MVB12B: variants seen among roughly 807,000 people sequenced by gnomAD.
MVB12B encodes the protein ESCRT-I complex subunit MVB12B.
Under a neutral mutation model 41.6 loss-of-function variants are expected in MVB12B, and 16 were observed. The observed-to-expected ratio is 0.38, with a 90% CI of 0.26 to 0.58. The LOEUF (loss-of-function observed/expected upper bound fraction) is 0.58, where lower values mean the gene tolerates loss of function less well. Ranked by LOEUF, MVB12B falls within the 20% of genes least tolerant of loss-of-function variation. The probability of loss-of-function intolerance (pLI) is 0.62; values close to 1 mark genes in which losing one functional copy is unlikely to be tolerated. For missense variants in MVB12B, 274 were observed against 380.2 expected (o/e 0.72, Z 2.32); for synonymous variants, 133 against 139.7 (o/e 0.95, Z 0.34).
intron 9 of MVB12B, among the ~76,000 whole-genome samples, chr9:126,502,727 G>C (rs1833985329): frequency 6.6e-6 from 1 of 152,174 alleles, no homozygotes; most frequent in South Asian, 2.1e-4. Context: ...CAGCATATCA[G>C]GGGTCCCTAG....
At chr9:126,339,452 A>C (rs183700626) in intron 1 of MVB12B, among the ~76,000 whole-genome samples, 76 of 152,310 alleles carry the variant, frequency 5.0e-4, no homozygotes, top group Non-Finnish European at 5.9e-5. Context: ...GTTCATTTAC[A>C]TATGGTGTTG....
In MVB12B at chr9:126,504,481, G is replaced by T. The variant is rs1472905072; in HGVS notation, c.*1218G>T. On this transcript the variant is annotated 3_prime_UTR_variant, in exon 10 of 10. Coordinates refer to ENST00000361171, the MANE Select transcript of MVB12B (RefSeq NM_033446.3). The stretch of plus-strand genomic sequence containing the variant: ...TTGGATGTGGAGGCTTGATGCTGCG[G>T]TTGGGGGCTGCACTACCTGCGTCCG... 1 of 152,600 alleles carries T rather than the reference G, an allele frequency of 6.6e-6. No homozygotes were observed. The highest frequency in any genetic ancestry group is 2.4e-5 in the African/African-American group (1 of 41,472). 9.5% of individuals were successfully genotyped at this position (152,600 alleles called of 1,614,324 possible). A position where few individuals can be genotyped will look rare whatever the true frequency, so the allele number is the denominator to read the frequency against.
chr9:126,443,192 AT>A (rs932139029), intron 7 of MVB12B, among the ~76,000 whole-genome samples: 11 of 152,184 alleles, frequency 7.2e-5, no homozygotes, highest in African/African-American at 2.7e-4. Flanking sequence ...TTTAAGCCCC[AT>A]TTTGACCATT....
chr9:126,398,448 A>G (rs1461347488), intron 6 of MVB12B, among the ~76,000 whole-genome samples: 2 of 152,078 alleles, frequency 1.3e-5, no homozygotes, highest in African/African-American at 2.4e-5. Flanking sequence ...CAGGAATTCC[A>G]TTTCCCACGA....
At chr9:126,364,006 C>G (rs1036974863) in intron 2 of MVB12B, among the ~76,000 whole-genome samples, 4 of 152,204 alleles carry the variant, frequency 2.6e-5, no homozygotes, top group Non-Finnish European at 4.4e-5. Context: ...TTTCGCATAG[C>G]TGTACCCCCA....
intron 1 of MVB12B, among the ~76,000 whole-genome samples, chr9:126,328,821 C>T (rs1829053570): frequency 6.6e-6 from 1 of 152,010 alleles, no homozygotes; most frequent in African/African-American, 2.4e-5. Flanking sequence ...GTCTCACTGT[C>T]ACTCAGGCTG....
rs141369902 is a variant in MVB12B, at chr9:126,468,712, C to T, written c.758-12657C>T. 8.6e-4 allele frequency among the ~76,000 whole-genome samples: 131 copies of T among 152,356 alleles called. 2 individuals are homozygous for T. The East Asian group carries it at 0.015, about 18-fold the overall frequency. On this transcript the variant is annotated intron_variant, in intron 7 of 9. Transcript: ENST00000361171. This position sits in a 1 kb window ranked among gnomAD's most constrained non-coding sequence, Gnocchi z 4.3. ...GCCTCACTCCCTGTAATTCATTCTC[C>T]TCTCCATAGCCAGGGAGACGCTGTT...
rs1357881007 is a variant in MVB12B at position 126,459,503 on chromosome 9, G to A, written c.758-21866G>A. Among the ~76,000 whole-genome samples, 1 of 152,202 alleles carries A rather than the reference G, an allele frequency of 6.6e-6. No homozygotes were observed. The highest frequency in any genetic ancestry group is 1.5e-5 in the Non-Finnish European group (1 of 68,050). On this transcript the variant is annotated intron_variant, in intron 7 of 9. Transcript: ENST00000361171. The surrounding 1 kb of genome is among the most constrained non-coding windows in gnomAD (Gnocchi z 4.3). ...CACAGAACTGTGCCTGTGAGACCAC[G>A]AGACCCTCACCCCAGCAGCACGCGG...
intron 9 of MVB12B, among the ~76,000 whole-genome samples, chr9:126,501,241 T>G (rs976196325): frequency 2.6e-5 from 4 of 152,208 alleles, no homozygotes; most frequent in African/African-American, 9.6e-5. Flanking sequence ...CAGTGATCGC[T>G]TGCTCAGTGC....
chr9:126,410,913 A>C (rs1422641657), intron 6 of MVB12B, among the ~76,000 whole-genome samples: 1 of 127,640 alleles, frequency 7.8e-6, no homozygotes, highest in African/African-American at 3.0e-5. Context: ...TTTGAGATGG[A>C]GTCTTACTCT....
chr9:126,447,173 G>C (rs1160081494), intron 7 of MVB12B, among the ~76,000 whole-genome samples: 7 of 149,832 alleles, frequency 4.7e-5, no homozygotes, highest in African/African-American at 1.7e-4. Context: ...TCCAACTCCT[G>C]ACCTCAGGTG....
chr9:126,420,833 G>A (rs544155739), intron 6 of MVB12B, among the ~76,000 whole-genome samples: 10 of 151,724 alleles, frequency 6.6e-5, no homozygotes, highest in South Asian at 4.2e-4. Context: ...GTGAGCCACC[G>A]CGCCCGGCCC....
rs147194790 is a variant in MVB12B, at chr9:126,333,080, C to T, written c.81+6070C>T. 1.3e-5 allele frequency among the ~76,000 whole-genome samples: 2 copies of T among 152,166 alleles called. No homozygotes were observed. Among genetic ancestry groups the T allele is most frequent in the African/African-American group, 4.8e-5 (2 of 41,518 alleles). The stretch of plus-strand genomic sequence containing the variant: ...TTTGAGGGGAATGGAAGATGTGACC[C>T]TGGTGTTTTGTTTTGTTTTTTTTTG... On this transcript the variant is annotated intron_variant, in intron 1 of 9. Transcript: ENST00000361171. This position sits in a 1 kb window ranked among gnomAD's most constrained non-coding sequence, Gnocchi z 4.7.
chr9:126,491,850 G>C (rs1323671748), intron 9 of MVB12B, among the ~76,000 whole-genome samples: 1 of 152,110 alleles, frequency 6.6e-6, no homozygotes, highest in Non-Finnish European at 1.5e-5. Flanking sequence ...GATATAGCTT[G>C]GGACCACCGC....
intron 3 of MVB12B, among the ~76,000 whole-genome samples, chr9:126,383,592 CCT>C (rs1416848008): frequency 6.6e-6 from 1 of 151,862 alleles, no homozygotes. Context: ...ATATAAATAC[CCT>C]GAGTCAGTGC....
At chr9:126,498,771 C>T (rs904276832) in intron 9 of MVB12B, among the ~76,000 whole-genome samples, 7 of 152,248 alleles carry the variant, frequency 4.6e-5, no homozygotes, top group Admixed American at 1.3e-4. Flanking sequence ...CTTTTCTCGT[C>T]TGGAGCCCTC....
intron 2 of MVB12B, among the ~76,000 whole-genome samples, chr9:126,362,040 T>G (rs538712906): frequency 6.6e-6 from 1 of 152,330 alleles, no homozygotes; most frequent in Admixed American, 6.5e-5. Flanking sequence ...CTTTAAGATT[T>G]TCTCTTTATC....
At chr9:126,502,611 CTG>C (rs1156359972) in intron 9 of MVB12B, among the ~76,000 whole-genome samples, 19 of 152,116 alleles carry the variant, frequency 1.2e-4, no homozygotes, top group African/African-American at 3.6e-4. Flanking sequence ...TCTGAGGACT[CTG>C]TGAGGAATGC....
intron 6 of MVB12B, among the ~76,000 whole-genome samples, chr9:126,413,328 T>C (rs1309640466): frequency 1.3e-5 from 2 of 152,158 alleles, no homozygotes; most frequent in Non-Finnish European, 2.9e-5. Flanking sequence ...CTGTGGAGCC[T>C]CTCTGAGACA....
Sources: allele counts gnomAD v4.1 joint callset (sites outside exome capture counted in the v4.1 genomes callset), GRCh38; gene constraint gnomAD v4.1.1; non-coding constraint Gnocchi (gnomAD v3.1); transcripts MANE v1.5; gene names NCBI Gene and HGNC (gene_info 2026-07-23, HGNC 2026-07-21).